Variants in ST8SIA1 observed in about 807,000 individuals in gnomAD.
ST8SIA1 encodes alpha-N-acetylneuraminide alpha-2,8-sialyltransferase.
In ST8SIA1, 16 loss-of-function variants were observed where a neutral mutation model predicts 35.9. The ratio of observed to expected loss-of-function variants is 0.45; its 90% CI spans 0.30 to 0.68. The LOEUF is 0.68. ST8SIA1 is among the 30% of genes least tolerant of loss of function. ST8SIA1 has a pLI of 0.09. For synonymous variants in ST8SIA1, 170 were observed against 169.6 expected (o/e 1.00, Z -0.02); for missense variants, 383 against 453.6 (o/e 0.84, Z 1.41).
At chr12:22,299,048 G>GT (rs770422336) in intron 1 of ST8SIA1, among the ~76,000 whole-genome samples, 6 of 150,962 alleles carry the variant, frequency 4.0e-5, no homozygotes, top group Non-Finnish European at 8.9e-5. Flanking sequence ...ACGAAATGGA[G>GT]TTTTTTTTTC....
At chr12:22,289,027 T>C (rs1024693708) in intron 1 of ST8SIA1, among the ~76,000 whole-genome samples, 3 of 152,144 alleles carry the variant, frequency 2.0e-5, no homozygotes, top group Admixed American at 1.3e-4. Flanking sequence ...ATAACAGGCA[T>C]GTGCCACCAT....
chr12:22,270,821 G>A (rs868106575), intron 2 of ST8SIA1, among the ~76,000 whole-genome samples: 1 of 152,204 alleles, frequency 6.6e-6, no homozygotes, highest in Middle Eastern at 3.4e-3. Flanking sequence ...TTTAAAGATA[G>A]GAACAAAAAG....
intron 1 of ST8SIA1, chr12:22,325,422 T>TAA (rs1184787544): frequency 4.3e-6 from 3 of 701,936 alleles, no homozygotes; most frequent in Admixed American, 4.0e-5. Flanking sequence ...ACACAGCTCT[T>TAA]ACGGTCTTGG....
chr12:22,234,259 C>CA (rs34820200), intron 4 of ST8SIA1, among the ~76,000 whole-genome samples: 80,496 of 138,792 alleles, frequency 0.58, 22,579 homozygotes, highest in South Asian at 0.77. Flanking sequence ...AACTCTGTCT[C>CA]AAAAAAAAAA....
Position 22,304,026 on chromosome 12 carries a change from G to A in ST8SIA1, c.237-16733C>T, listed in dbSNP as rs187196032. Among the ~76,000 whole-genome samples the A allele has an allele frequency of 2.3e-3, 347 of 152,270 alleles. 2 individuals are homozygous for A. The highest frequency in any genetic ancestry group is 8.1e-3 in the African/African-American group (337 of 41,554). The stretch of plus-strand genomic sequence containing the variant: ...GCCAACCAAAAGAGCAATGGCTGTC[G>A]TCTCACGCTGCTGTTCCATAGCTAA... On this transcript the variant is annotated intron_variant, in intron 1 of 4. Coordinates refer to ENST00000396037, the MANE Select transcript of ST8SIA1 (RefSeq NM_003034.4).
intron 1 of ST8SIA1, among the ~76,000 whole-genome samples, chr12:22,296,889 A>G (rs952539393): frequency 3.3e-5 from 5 of 152,168 alleles, no homozygotes; most frequent in African/African-American, 7.2e-5. Context: ...ATGAACACCT[A>G]TACTCCACTG....
intron 4 of ST8SIA1, among the ~76,000 whole-genome samples, 165 bp from the exon 5 acceptor site, chr12:22,202,203 C>G (rs1283425174): frequency 3.9e-5 from 6 of 152,152 alleles, no homozygotes; most frequent in Admixed American, 3.9e-4. Context: ...TATCAATTAT[C>G]TCTCATCAAA....
chr12:22,242,370 A>G (rs1466107242), intron 4 of ST8SIA1, among the ~76,000 whole-genome samples: 1 of 152,196 alleles, frequency 6.6e-6, no homozygotes, highest in Non-Finnish European at 1.5e-5. Context: ...AAAAGTTAAT[A>G]AATTAATTTG....
chr12:22,207,938 T>C (rs2120624937), intron 4 of ST8SIA1, among the ~76,000 whole-genome samples: 1 of 151,198 alleles, frequency 6.6e-6, no homozygotes, highest in Non-Finnish European at 1.5e-5. Flanking sequence ...AGGTCAGGAG[T>C]TCGAGACCAG....
Position 22,334,278 on chromosome 12 carries a change from A to T in ST8SIA1, c.-46T>A. 1 of 1,505,792 alleles carries T rather than the reference A, an allele frequency of 6.6e-7. No homozygotes were observed. The allele number at this position is 1,505,792 out of a possible 1,614,324, so 93.3% of individuals were successfully genotyped here. A position where few individuals can be genotyped will look rare whatever the true frequency, so the allele number is the denominator to read the frequency against. Reference sequence around the variant, plus strand: ...GGCGGGGGCCGGGGCCTCAGCACAAAGCTAGGCGAAGTGGCAGCGGAGGGT... The same window carrying T: ...GGCGGGGGCCGGGGCCTCAGCACAATGCTAGGCGAAGTGGCAGCGGAGGGT... On this transcript the variant is annotated 5_prime_UTR_variant, in exon 1 of 5. Coordinates refer to ENST00000396037, the MANE Select transcript of ST8SIA1 (RefSeq NM_003034.4).
intron 1 of ST8SIA1, among the ~76,000 whole-genome samples, chr12:22,300,992 T>C (rs1300493664): frequency 6.6e-6 from 1 of 152,150 alleles, no homozygotes; most frequent in Non-Finnish European, 1.5e-5. Flanking sequence ...TCCAAAATTA[T>C]GAGACACTCC....
intron 4 of ST8SIA1, among the ~76,000 whole-genome samples, chr12:22,232,775 G>T (rs919957160): frequency 1.3e-5 from 2 of 152,028 alleles, no homozygotes; most frequent in African/African-American, 4.8e-5. Context: ...GGAGGCGGAG[G>T]TTGCAGTGAG....
At position 22,196,849 on chromosome 12, in the gene ST8SIA1, G is replaced by A. The variant is rs1020683076; in HGVS notation, c.*4703C>T. On this transcript the variant is annotated 3_prime_UTR_variant, in exon 5 of 5. Transcript: ENST00000396037. ...AGTGTAAAATTTTGAGGTCCTCAGC[G>A]AATTTCCACACTACCTCTCTAGTCA... The A allele has an allele frequency of 2.0e-5, 3 of 152,134 alleles. No homozygotes were observed. Among genetic ancestry groups the A allele is most frequent in the East Asian group, 1.9e-4 (1 of 5,190 alleles). 9.4% of individuals were successfully genotyped at this position (152,134 alleles called of 1,614,324 possible).
In ST8SIA1 at chr12:22,196,141, G is replaced by C. The variant is rs1353817629; in HGVS notation, c.*5411C>G. On this transcript the variant is annotated 3_prime_UTR_variant, in exon 5 of 5. Coordinates refer to ENST00000396037, the MANE Select transcript of ST8SIA1 (RefSeq NM_003034.4). ...CCATAAAATATAATTCCTCTTCTGT[G>C]CTTTAAAAAGTTAGAGTCATAGGCT... 6.6e-6 allele frequency: 1 copy of C among 152,150 alleles called. No individual in the cohort carries two copies. Among genetic ancestry groups the C allele is most frequent in the African/African-American group, 2.4e-5 (1 of 41,430 alleles). 9.4% of individuals were successfully genotyped at this position (152,150 alleles called of 1,614,324 possible). A position where few individuals can be genotyped will look rare whatever the true frequency, so the allele number is the denominator to read the frequency against.
At chr12:22,248,331 A>G (rs958218844) in intron 4 of ST8SIA1, among the ~76,000 whole-genome samples, 1 of 152,038 alleles carries the variant, frequency 6.6e-6, no homozygotes, top group African/African-American at 2.4e-5. Flanking sequence ...CTCCTTCTCT[A>G]CAATGAACAG....
chr12:22,302,959 G>A (rs1376383095), intron 1 of ST8SIA1, among the ~76,000 whole-genome samples: 1 of 152,038 alleles, frequency 6.6e-6, no homozygotes, highest in Non-Finnish European at 1.5e-5. Context: ...GATGTCTTAT[G>A]TCTCCCTAAA....
chr12:22,232,799 A>G (rs1591830245), intron 4 of ST8SIA1, among the ~76,000 whole-genome samples: 1 of 152,120 alleles, frequency 6.6e-6, no homozygotes, highest in Non-Finnish European at 1.5e-5. Context: ...AGATCTCGCC[A>G]CTGCACTCCA....
At chr12:22,256,111 G>A (rs1387601922) in intron 2 of ST8SIA1, among the ~76,000 whole-genome samples, 1 of 152,224 alleles carries the variant, frequency 6.6e-6, no homozygotes, top group African/African-American at 2.4e-5. Context: ...GGCACAGAAA[G>A]CAGCGTAAAC....
chr12:22,222,168 G>T (rs1378278049), intron 4 of ST8SIA1, among the ~76,000 whole-genome samples: 1 of 152,076 alleles, frequency 6.6e-6, no homozygotes, highest in Non-Finnish European at 1.5e-5. Flanking sequence ...TTATTATTGG[G>T]TTAATTTTAA....
Sources: allele counts gnomAD v4.1 joint callset (sites outside exome capture counted in the v4.1 genomes callset), GRCh38; gene constraint gnomAD v4.1.1; transcripts MANE v1.5; gene names NCBI Gene and HGNC (gene_info 2026-07-23, HGNC 2026-07-21).